Variants in N4BP3 observed in about 807,000 individuals in gnomAD.
N4BP3 encodes NEDD4 binding protein 3, also known as NEDD4-binding protein 3.
A neutral mutation model predicts 43.8 loss-of-function variants in N4BP3; 33 were observed. The ratio of observed to expected loss-of-function variants is 0.75; its 90% CI spans 0.57 to 1.01. The LOEUF is 1.01. Ranked by LOEUF, N4BP3 falls within the 50% of genes least tolerant of loss-of-function variation. The pLI, the probability that N4BP3 is intolerant of heterozygous loss-of-function variation, is 0.00. For synonymous variants in N4BP3, 326 were observed against 321.9 expected, an observed-to-expected ratio of 1.01 and a Z score of -0.14; for missense variants, 756 against 744.2, an observed-to-expected ratio of 1.02 and a Z score of -0.18.
At chr5:178,120,994 G>A in intron 3 of N4BP3, 104 bp from the exon 4 acceptor site, 1 of 1,434,826 alleles carries the variant, frequency 7.0e-7, no homozygotes, top group Non-Finnish European at 9.2e-7. Context: ...TGGGTCCTGT[G>A]GTGTAGGGGC....
chr5:178,121,592 G>A lies in N4BP3; in HGVS notation c.1226G>A (p.Arg409Gln), dbSNP rs746239266. 16 of 1,613,206 alleles carry A rather than the reference G, an allele frequency of 9.9e-6. No individual in the cohort carries two copies. The highest frequency in any genetic ancestry group is 4.4e-5 in the South Asian group (4 of 91,078). The change falls in exon 5 of 5, where the codon CGG (arginine) becomes CAG (glutamine). Residue 409 changes from arginine to glutamine, a missense_variant. Physicochemically the swap from Arg to Gln is conservative, Grantham distance 43. Coordinates refer to ENST00000274605, the MANE Select transcript of N4BP3 (RefSeq NM_015111.2). ...CTGAAGACACAACTTCGGGGCAGCC[G>A]GGCACAAGCCCAGGCTCAGGACGCA... ...FSLKTQLRGS[R>Q]AQAQAQDAEL... is the part of the protein sequence containing the mutation.
chr5:178,120,587 C>G lies in N4BP3; in HGVS notation c.740C>G (p.Pro247Arg), dbSNP rs534626032. 5.7e-5 allele frequency: 92 copies of G among 1,612,692 alleles called. No homozygotes were observed. Among genetic ancestry groups the G allele is most frequent in the Middle Eastern group, 4.9e-4 (3 of 6,084 alleles). Reference sequence around the variant, plus strand: ...AGCTGCCTGCCCGAGCCACCACCCCCCTACGAGTTCTCCTGCTCCTCTGCC... The same window carrying G: ...AGCTGCCTGCCCGAGCCACCACCCCGCTACGAGTTCTCCTGCTCCTCTGCC... ...VLSCLPEPPP[P>R]YEFSCSSAEE... Residue 247 changes from proline to arginine, a missense_variant, in exon 3 of 5, where the codon CCC becomes CGC. Transcript: ENST00000274605.
Position 178,120,654 on chromosome 5 carries a change from C to T in N4BP3, c.807C>T (p.Leu269=). ...TGCTGCCCGAGACCTGTGAGGAGCT[C>T]AAGAGGGGCCTTGGCGATGAGGACG... ...GAVLPETCEE[L]KRGLGDEDGS... is the part of the protein sequence containing the mutation. Residue 269 remains leucine, a synonymous_variant, in exon 3 of 5, where the codon CTC becomes CTT. Transcript: ENST00000274605. 6.2e-7 allele frequency: 1 copy of T among 1,604,552 alleles called. No individual in the cohort carries two copies. Among genetic ancestry groups the T allele is most frequent in the Non-Finnish European group, 8.5e-7 (1 of 1,179,830 alleles).
rs563886057 is a variant in N4BP3, at chr5:178,122,108, C to T, written c.*107C>T. On this transcript the variant is annotated 3_prime_UTR_variant, in exon 5 of 5. Transcript: ENST00000274605. The stretch of plus-strand genomic sequence containing the variant: ...GGGGTGGAACCTGCAGAGGCCAGCC[C>T]GGGGCTGGGGAGGCGCAAGGAGAGG... 3.8e-4 allele frequency: 522 copies of T among 1,372,908 alleles called. No homozygotes were observed. Among genetic ancestry groups the T allele is most frequent in the Non-Finnish European group, 4.6e-4 (475 of 1,038,058 alleles). The allele number at this position is 1,372,908 out of a possible 1,614,324, so 85.0% of individuals were successfully genotyped here.
Position 178,119,687 on chromosome 5 carries a change from G to A in N4BP3, c.104G>A (p.Gly35Glu). 6.2e-7 allele frequency: 1 copy of A among 1,611,920 alleles called. No homozygotes were observed. Among genetic ancestry groups the A allele is most frequent in the Non-Finnish European group, 8.5e-7 (1 of 1,179,402 alleles). Reference protein sequence around the residue: ...SPEELRAALAGSRGSRQPDGL... With the variant: ...SPEELRAALAESRGSRQPDGL... Reference sequence around the variant, plus strand: ...GAAGAGCTGCGGGCGGCACTTGCCGGGTCTCGGGGCTCCCGCCAGCCTGAT... The same window carrying A: ...GAAGAGCTGCGGGCGGCACTTGCCGAGTCTCGGGGCTCCCGCCAGCCTGAT... Residue 35 changes from glycine to glutamate, a missense_variant, in exon 2 of 5, where the codon GGG (glycine) becomes GAG (glutamate). Gly to Glu is a moderately conservative substitution (Grantham distance 98). Coordinates refer to ENST00000274605, the MANE Select transcript of N4BP3 (RefSeq NM_015111.2).
Position 178,124,219 on chromosome 5 carries a change from G to T in N4BP3, c.*2218G>T, listed in dbSNP as rs1289982994. ...AACAGTTCCCCACCCAGCGATTAGGGAGCTGGGCTGGCCAGTACAGCCAGT... is the reference window on the plus strand; with the variant it reads ...AACAGTTCCCCACCCAGCGATTAGGTAGCTGGGCTGGCCAGTACAGCCAGT... On this transcript the variant is annotated 3_prime_UTR_variant, in exon 5 of 5. Coordinates refer to ENST00000274605, the MANE Select transcript of N4BP3 (RefSeq NM_015111.2). 1 of 152,738 alleles carries T rather than the reference G, an allele frequency of 6.5e-6. No individual in the cohort carries two copies. Among genetic ancestry groups the T allele is most frequent in the Non-Finnish European group, 1.5e-5 (1 of 68,108 alleles). The allele number at this position is 152,738 out of a possible 1,614,324, so 9.5% of individuals were successfully genotyped here.
At chr5:178,114,494 G>T (rs933799975) in intron 1 of N4BP3, among the ~76,000 whole-genome samples, 3 of 152,196 alleles carry the variant, frequency 2.0e-5, no homozygotes, top group Non-Finnish European at 2.9e-5. Flanking sequence ...CTGGGGACAA[G>T]CCGAAATCAG....
chr5:178,116,057 T>G (rs1287758429), intron 1 of N4BP3, among the ~76,000 whole-genome samples: 1 of 152,192 alleles, frequency 6.6e-6, no homozygotes, highest in East Asian at 1.9e-4. Context: ...GCACTTGGCT[T>G]GTCCCCTACC....
At position 178,119,666 on chromosome 5, in the gene N4BP3, A is replaced by T. The variant is rs1196194975; in HGVS notation, c.83A>T (p.Glu28Val). 6.2e-7 allele frequency: 1 copy of T among 1,607,360 alleles called. No individual in the cohort carries two copies. Among genetic ancestry groups the T allele is most frequent in the African/African-American group, 1.3e-5 (1 of 74,920 alleles). ...GAACGGCAGGACTTCTCCCCTGAAG[A>T]GCTGCGGGCGGCACTTGCCGGGTCT... ...LLERQDFSPE[E>V]LRAALAGSRG... The change falls in exon 2 of 5, where the codon GAG becomes GTG. Residue 28 changes from glutamate to valine, a missense_variant. Transcript: ENST00000274605.
At chr5:178,126,624 C>G (rs999699442), downstream of N4BP3, among the ~76,000 whole-genome samples, 1 of 152,194 alleles carries the variant, frequency 6.6e-6, no homozygotes, top group African/African-American at 2.4e-5. Context: ...CTCCTTTTCC[C>G]TCCCAAAACC....
chr5:178,121,812 G>C lies in N4BP3; in HGVS notation c.1446G>C (p.Gln482His), dbSNP rs764895473. ...LLQERLRGQE[Q>H]ALRFEQERRT... is the part of the protein sequence containing the mutation. ...AGGAGCGACTTCGGGGCCAGGAGCA[G>C]GCGCTGCGCTTTGAGCAGGAGCGGC... The change falls in exon 5 of 5, where the codon CAG (glutamine) becomes CAC (histidine). Residue 482 changes from glutamine (Q) to histidine (H), a missense_variant. Physicochemically the swap from Gln to His is conservative, Grantham distance 24 (BLOSUM62 0). Coordinates refer to ENST00000274605, the MANE Select transcript of N4BP3 (RefSeq NM_015111.2). 6.2e-7 allele frequency: 1 copy of C among 1,609,006 alleles called. No homozygotes were observed. The highest frequency in any genetic ancestry group is 1.7e-5 in the Admixed American group (1 of 59,584).
intron 1 of N4BP3, 130 bp from the exon 2 acceptor site, chr5:178,119,424 C>A: frequency 1.6e-6 from 1 of 606,082 alleles, no homozygotes; most frequent in Non-Finnish European, 2.8e-6. Context: ...TCTCTTGGAC[C>A]CACATCTGCC....
At chr5:178,114,241 G>A (rs1757718146) in intron 1 of N4BP3, among the ~76,000 whole-genome samples, 1 of 152,146 alleles carries the variant, frequency 6.6e-6, no homozygotes, top group Admixed American at 6.5e-5. Context: ...CCGCAGCTTT[G>A]GGGAACCCTC....
rs1757914609 is a variant in N4BP3 at position 178,121,229 on chromosome 5, G to A, written c.984G>A (p.Gln328=). ...AGCTGCAGCTGTTTATGGCTCAGCA[G>A]GAGCAGCGGCGCCTGCGCAAGGAGC... The part of the protein sequence containing the change: ...NLQLQLFMAQ[Q]EQRRLRKELR... Residue 328 remains glutamine (Q), a synonymous_variant, in exon 4 of 5, where the codon CAG becomes CAA. Coordinates refer to ENST00000274605, the MANE Select transcript of N4BP3 (RefSeq NM_015111.2). The A allele has an allele frequency of 1.2e-6, 2 of 1,603,718 alleles. No individual in the cohort carries two copies. The highest frequency in any genetic ancestry group is 1.7e-6 in the Non-Finnish European group (2 of 1,176,522).
rs1223107402 is a variant in N4BP3, at chr5:178,121,758, T to A, written c.1392T>A (p.Ser464Arg). The A allele has an allele frequency of 5.0e-6, 8 of 1,608,036 alleles. No individual in the cohort carries two copies. The highest frequency in any genetic ancestry group is 6.8e-6 in the Non-Finnish European group (8 of 1,179,694). The change falls in exon 5 of 5, where the codon AGT becomes AGA. Residue 464 changes from serine (S) to arginine (R), a missense_variant. Transcript: ENST00000274605. ...CAGGAGGCAGCGAGGCCAGAGACAG[T>A]GCTGAGCAGCTGCGGGCTGAGCTGC... ...GEAGGSEARD[S>R]AEQLRAELLQ... is the part of the protein sequence containing the mutation.
rs141941070 is a variant in N4BP3 at position 178,119,902 on chromosome 5, C to T, written c.319C>T (p.Arg107Cys). ...FSKTSLPERG[R>C]FDKCRIRPSV... The stretch of plus-strand genomic sequence containing the variant: ...CAAGACCTCGCTGCCAGAACGGGGT[C>T]GCTTTGACAAGGTGCACCTTTGCCC... Residue 107 changes from arginine to cysteine, a missense_variant, in exon 2 of 5, where the codon CGC (arginine) becomes TGC (cysteine). Arg to Cys is a radical substitution (Grantham distance 180). Coordinates refer to ENST00000274605, the MANE Select transcript of N4BP3 (RefSeq NM_015111.2). 6.9e-6 allele frequency: 11 copies of T among 1,604,320 alleles called. No homozygotes were observed. In the African/African-American group the frequency reaches 1.1e-4, roughly 16 times the overall value.
chr5:178,117,899 G>A lies in N4BP3; in HGVS notation c.-30-1655G>A, dbSNP rs116407710. ...TGGGGTTGGGGCAGGTCCCCCTCCC[G>A]GAGAGCTTTGTCTTCCACAAACACA... On this transcript the variant is annotated intron_variant, in intron 1 of 4. Coordinates refer to ENST00000274605, the MANE Select transcript of N4BP3 (RefSeq NM_015111.2). Among the ~76,000 whole-genome samples, 583 of 152,182 alleles carry A rather than the reference G, an allele frequency of 3.8e-3. 6 individuals carry two copies. The highest frequency in any genetic ancestry group is 0.014 in the African/African-American group (563 of 41,520).
chr5:178,120,055 T>C, intron 2 of N4BP3, 123 bp from the exon 3 acceptor site: 1 of 1,473,716 alleles, frequency 6.8e-7, no homozygotes, highest in East Asian at 2.3e-5. Context: ...GTTCACTGCC[T>C]CCTGGTGGCA....
chr5:178,113,816 G>T (rs1757704605), intron 1 of N4BP3, 45 bp downstream of exon 1: 1 of 151,732 alleles, frequency 6.6e-6, no homozygotes, highest in East Asian at 1.9e-4. Context: ...CTGGACTCGG[G>T]GGGTGGGGAG....
Sources: gnomAD v4.1 joint callset for allele counts (sites outside exome capture counted in the v4.1 genomes callset) on GRCh38, gnomAD v4.1.1 for gene constraint, MANE v1.5 for transcripts, NCBI Gene and HGNC (gene_info 2026-07-23, HGNC 2026-07-21) for gene names.